FOXO3: variants seen among roughly 807,000 people sequenced by gnomAD.
The protein encoded by FOXO3 is forkhead box protein O3.
In FOXO3, 4 loss-of-function variants were observed where a neutral mutation model predicts 41.9. The observed-to-expected ratio is 0.10, with a 90% CI of 0.05 to 0.22. FOXO3 has a LOEUF of 0.22. Ranked by LOEUF, FOXO3 falls within the 10% of genes least tolerant of loss-of-function variation. The pLI is 1.00. For missense variants in FOXO3, 534 were observed against 906.8 expected, an observed-to-expected ratio of 0.59 and a Z score of 5.28; for synonymous variants, 318 against 389.3, an observed-to-expected ratio of 0.82 and a Z score of 2.16.
intron 1 of FOXO3, among the ~76,000 whole-genome samples, chr6:108,596,039 AT>A (rs1776874747): frequency 6.6e-6 from 1 of 151,792 alleles, no homozygotes; most frequent in Admixed American, 6.6e-5. Flanking sequence ...TTCCATTCAT[AT>A]TTTTTTCTTC....
rs1775767830 is a variant in FOXO3 at position 108,561,058 on chromosome 6, C to A, written c.-151C>A. 1 of 1,418,658 alleles carries A rather than the reference C, an allele frequency of 7.0e-7. No individual in the cohort carries two copies. Among genetic ancestry groups the A allele is most frequent in the Non-Finnish European group, 9.1e-7 (1 of 1,097,560 alleles). The allele number at this position is 1,418,658 out of a possible 1,614,324, so 87.9% of individuals were successfully genotyped here. On this transcript the variant is annotated 5_prime_UTR_variant, in exon 1 of 3. Coordinates refer to ENST00000406360, the MANE Select transcript of FOXO3 (RefSeq NM_001455.4). The stretch of plus-strand genomic sequence containing the variant: ...GCTCCGGCCCGGGATAACCAACTCT[C>A]CTTCTCTCTTCTTTGGTGCTTCCCC...
At chr6:108,636,935 C>G (rs1249149469) in intron 1 of FOXO3, among the ~76,000 whole-genome samples, 2 of 152,124 alleles carry the variant, frequency 1.3e-5, no homozygotes, top group Admixed American at 1.3e-4. Flanking sequence ...TATTTAAATC[C>G]CCCTGTTCCG....
intron 1 of FOXO3, among the ~76,000 whole-genome samples, chr6:108,652,125 A>G (rs1253640348): frequency 6.6e-6 from 1 of 152,172 alleles, no homozygotes; most frequent in Non-Finnish European, 1.5e-5. Context: ...TATTGGCTTG[A>G]CGTAGTCACA....
intron 1 of FOXO3, among the ~76,000 whole-genome samples, chr6:108,606,800 A>G: frequency 6.6e-6 from 1 of 152,096 alleles, no homozygotes; most frequent in Non-Finnish European, 1.5e-5. Context: ...AGCCTTATGT[A>G]TTCTAGCTAT....
At position 108,662,772 on chromosome 6, in the gene FOXO3, G is replaced by A. The variant is rs1778905905; in HGVS notation, c.622-683G>A. ...AGTTTGTTGCAAAGTGCAGGGGACA[G>A]AGGAGTGTGGTAGTAAATTCCAAGT... On this transcript the variant is annotated intron_variant, in intron 1 of 2. Transcript: ENST00000406360. Among the ~76,000 whole-genome samples, 3 of 152,214 alleles carry A rather than the reference G, an allele frequency of 2.0e-5. No homozygotes were observed. The South Asian group carries it at 6.2e-4, about 32-fold the overall frequency.
At chr6:108,625,256 A>G (rs181665067) in intron 1 of FOXO3, among the ~76,000 whole-genome samples, 2 of 152,190 alleles carry the variant, frequency 1.3e-5, no homozygotes, top group South Asian at 2.1e-4. Flanking sequence ...ATTGTTATGT[A>G]GTTTCTATGA....
At position 108,684,595 on chromosome 6, in the gene FOXO3, T is replaced by G. The variant is rs1021149692; in HGVS notation, c.*4803T>G. 7 of 152,624 alleles carry G rather than the reference T, an allele frequency of 4.6e-5. No homozygotes were observed. The highest frequency in any genetic ancestry group is 2.9e-5 in the Non-Finnish European group (2 of 68,036). 9.5% of individuals were successfully genotyped at this position (152,624 alleles called of 1,614,324 possible). ...CATGAATTAACTCTGCCGCCTTTCT[T>G]AAGGATCAAAACCAGTTTGATTTGG... On this transcript the variant is annotated 3_prime_UTR_variant, in exon 3 of 3. Coordinates refer to ENST00000406360, the MANE Select transcript of FOXO3 (RefSeq NM_001455.4).
chr6:108,662,563 T>A (rs1247498613), intron 1 of FOXO3, among the ~76,000 whole-genome samples: 1 of 152,186 alleles, frequency 6.6e-6, no homozygotes. Context: ...CATGGTAAGG[T>A]GTAAAATCTG....
At chr6:108,597,417 G>C (rs1322927732) in intron 1 of FOXO3, among the ~76,000 whole-genome samples, 1 of 152,158 alleles carries the variant, frequency 6.6e-6, no homozygotes, top group Non-Finnish European at 1.5e-5. Context: ...TCAGCTATGA[G>C]GATGCTCATT....
At chr6:108,609,024 G>A (rs1777284429) in intron 1 of FOXO3, among the ~76,000 whole-genome samples, 1 of 152,130 alleles carries the variant, frequency 6.6e-6, no homozygotes, top group South Asian at 2.1e-4. Context: ...TGGACCTCAA[G>A]CTATTAAGAA....
chr6:108,660,944 T>C (rs923853769), intron 1 of FOXO3, among the ~76,000 whole-genome samples: 3 of 151,972 alleles, frequency 2.0e-5, no homozygotes, highest in Non-Finnish European at 4.4e-5. Context: ...CCTGTAGTCC[T>C]AGCTACTCGG....
At chr6:108,602,557 C>G (rs943506148) in intron 1 of FOXO3, among the ~76,000 whole-genome samples, 13 of 151,930 alleles carry the variant, frequency 8.6e-5, no homozygotes, top group Non-Finnish European at 1.6e-4. Flanking sequence ...TACAGGAAAT[C>G]ACTGAGTTTT....
chr6:108,561,152 G>C lies in FOXO3; in HGVS notation c.-57G>C. The C allele has an allele frequency of 6.7e-7, 1 of 1,494,432 alleles. No homozygotes were observed. Among genetic ancestry groups the C allele is most frequent in the Middle Eastern group, 2.4e-4 (1 of 4,208 alleles). The allele number at this position is 1,494,432 out of a possible 1,614,324, so 92.6% of individuals were successfully genotyped here. Reference sequence around the variant, plus strand: ...CCACGTCCCTCCCCCGCTGCACCCCGCCCCGGCGCGAGAGGAGAGCGCGAG... The same window carrying C: ...CCACGTCCCTCCCCCGCTGCACCCCCCCCCGGCGCGAGAGGAGAGCGCGAG... On this transcript the variant is annotated 5_prime_UTR_variant, in exon 1 of 3. Coordinates refer to ENST00000406360, the MANE Select transcript of FOXO3 (RefSeq NM_001455.4).
intron 2 of FOXO3, among the ~76,000 whole-genome samples, chr6:108,673,806 A>T (rs140023074): frequency 3.4e-4 from 52 of 152,262 alleles, no homozygotes; most frequent in South Asian, 6.2e-4. Context: ...GTCATACAGG[A>T]TAGGGTCACA....
chr6:108,640,381 T>C (rs1456245117), intron 1 of FOXO3, among the ~76,000 whole-genome samples: 1 of 152,232 alleles, frequency 6.6e-6, no homozygotes, highest in Non-Finnish European at 1.5e-5. Flanking sequence ...ATCCCCCATG[T>C]AGTTTACTAA....
At chr6:108,662,027 CT>C (rs1778881151) in intron 1 of FOXO3, among the ~76,000 whole-genome samples, 1 of 152,024 alleles carries the variant, frequency 6.6e-6, no homozygotes, top group South Asian at 2.1e-4. Context: ...TAAGTTTTTA[CT>C]TTCTTCAGAT....
chr6:108,662,554 AT>A (rs1258161976), intron 1 of FOXO3, among the ~76,000 whole-genome samples: 2 of 152,222 alleles, frequency 1.3e-5, no homozygotes, highest in Non-Finnish European at 2.9e-5. Context: ...CAAGAGTTAC[AT>A]GGTAAGGTGT....
At chr6:108,641,110 A>G (rs1360103896) in intron 1 of FOXO3, among the ~76,000 whole-genome samples, 1 of 152,052 alleles carries the variant, frequency 6.6e-6, no homozygotes, top group African/African-American at 2.4e-5. Context: ...GGGTTTCACC[A>G]TGTTGGCCAG....
At chr6:108,611,444 T>G (rs1777362466) in intron 1 of FOXO3, among the ~76,000 whole-genome samples, 2 of 152,182 alleles carry the variant, frequency 1.3e-5, no homozygotes, top group Admixed American at 6.5e-5. Flanking sequence ...ACTGCCAAAC[T>G]GTTTTCCAGA....
Sources: gnomAD v4.1 joint callset for allele counts (sites outside exome capture counted in the v4.1 genomes callset) on GRCh38, gnomAD v4.1.1 for gene constraint, MANE v1.5 for transcripts, NCBI Gene and HGNC (gene_info 2026-07-23, HGNC 2026-07-21) for gene names.